Variants in RBFOX1 observed in about 807,000 individuals in gnomAD.
RBFOX1 encodes the protein RNA binding protein fox-1 homolog 1.
Under a neutral mutation model 57.7 loss-of-function variants are expected in RBFOX1, and 8 were observed. That is an observed-to-expected ratio of 0.14 (90% CI 0.08 to 0.25). The LOEUF (loss-of-function observed/expected upper bound fraction) is 0.25. RBFOX1 is among the 10% of genes least tolerant of loss of function. The pLI is 1.00. For synonymous variants in RBFOX1, 326 were observed against 222.4 expected, an observed-to-expected ratio of 1.47 and a Z score of -4.15; for missense variants, 611 against 548.5, an observed-to-expected ratio of 1.11 and a Z score of -1.14.
At chr16:6,073,943 T>C in intron 1 of RBFOX1, among the ~76,000 whole-genome samples, 1 of 151,976 alleles carries the variant, frequency 6.6e-6, no homozygotes, top group East Asian at 1.9e-4. Flanking sequence ...CACATCAGTG[T>C]AGTGAAGGTT....
intron 2 of RBFOX1, among the ~76,000 whole-genome samples, chr16:6,522,699 T>G (rs79936621): frequency 0.013 from 1,947 of 152,296 alleles, 45 homozygotes; most frequent in African/African-American, 0.044. Context: ...TAAGAAACAG[T>G]GAACCATAAG....
At chr16:7,414,571 C>T (rs2098460998) in intron 4 of RBFOX1, among the ~76,000 whole-genome samples, 1 of 152,076 alleles carries the variant, frequency 6.6e-6, no homozygotes, top group Non-Finnish European at 1.5e-5. Flanking sequence ...TGAAGGTCTA[C>T]CATATCCCAA....
At chr16:6,647,353 C>G (rs866286996) in intron 2 of RBFOX1, among the ~76,000 whole-genome samples, 4 of 152,296 alleles carry the variant, frequency 2.6e-5, no homozygotes, top group Admixed American at 6.5e-5. Context: ...TGAAATGATT[C>G]TCCTGCCTCA....
chr16:5,604,795 C>T (rs114247089), downstream of RBFOX1, among the ~76,000 whole-genome samples: 1 of 152,106 alleles, frequency 6.6e-6, no homozygotes, highest in Admixed American at 6.5e-5. Flanking sequence ...CTCATGGGCC[C>T]CCCGGGAACC....
At chr16:7,108,129 A>G (rs1022057908) in intron 4 of RBFOX1, among the ~76,000 whole-genome samples, 2 of 152,198 alleles carry the variant, frequency 1.3e-5, no homozygotes, top group African/African-American at 2.4e-5. Flanking sequence ...GCTAATTAGC[A>G]TAAAACAAAA....
chr16:7,455,745 C>T (rs564043276), intron 4 of RBFOX1, among the ~76,000 whole-genome samples: 2 of 145,952 alleles, frequency 1.4e-5, no homozygotes, highest in South Asian at 2.2e-4. Flanking sequence ...CGAGATTGTG[C>T]CATTGCACTC....
At chr16:7,194,242 T>C (rs1479783910) in intron 4 of RBFOX1, among the ~76,000 whole-genome samples, 1 of 152,256 alleles carries the variant, frequency 6.6e-6, no homozygotes, top group Non-Finnish European at 1.5e-5. Flanking sequence ...TAATGGTTGT[T>C]AGATTTTAAT....
Position 7,649,310 on chromosome 16 carries a change from T to C in RBFOX1, c.758-4505T>C, listed in dbSNP as rs374465710. On this transcript the variant is annotated intron_variant, in intron 11 of 15. Coordinates refer to ENST00000550418, the MANE Select transcript of RBFOX1 (RefSeq NM_018723.4). ...AATTACTATATTTTGCAAGAATCAATATTATCTTTAAAGCAAATTTAGGAA... is the reference window on the plus strand; with the variant it reads ...AATTACTATATTTTGCAAGAATCAACATTATCTTTAAAGCAAATTTAGGAA... Among the ~76,000 whole-genome samples, 38 of 152,238 alleles carry C rather than the reference T, an allele frequency of 2.5e-4. No homozygotes were observed. The East Asian group carries it at 5.6e-3, about 22-fold the overall frequency.
chr16:5,833,486 C>A (rs993319163), intron 3 of RBFOX1, among the ~76,000 whole-genome samples: 1 of 133,422 alleles, frequency 7.5e-6, no homozygotes. Context: ...CAGAGCGAGA[C>A]TCTATCTCAA....
intron 3 of RBFOX1, among the ~76,000 whole-genome samples, chr16:6,681,095 G>A (rs1051496852): frequency 1.3e-5 from 2 of 152,142 alleles, no homozygotes; most frequent in African/African-American, 2.4e-5. Flanking sequence ...TGGATCATTT[G>A]AGGTCAGGAG....
chr16:6,317,692 A>T (rs1435631294), intron 2 of RBFOX1, among the ~76,000 whole-genome samples: 1 of 151,972 alleles, frequency 6.6e-6, no homozygotes, highest in African/African-American at 2.4e-5. Flanking sequence ...ATTTTGTCCA[A>T]TTTTCTCAGC....
chr16:5,598,707 T>TATCG, intron 2 of RBFOX1, among the ~76,000 whole-genome samples: 1 of 152,318 alleles, frequency 6.6e-6, no homozygotes, highest in South Asian at 2.1e-4. Flanking sequence ...TTTGTAGCCA[T>TATCG]ATCGGGCTTG....
At chr16:7,067,534 T>G (rs9923183) in intron 4 of RBFOX1, among the ~76,000 whole-genome samples, 100,273 of 151,026 alleles carry the variant, frequency 0.66, 33,894 homozygotes, top group South Asian at 0.74. Context: ...TTTTTTGTTT[T>G]CTTTTTTTAT....
At chr16:7,051,328 C>T (rs142564415) in intron 3 of RBFOX1, among the ~76,000 whole-genome samples, 1 of 152,206 alleles carries the variant, frequency 6.6e-6, no homozygotes, top group Non-Finnish European at 1.5e-5. Context: ...CCTTAACCCA[C>T]CTATGTTTTC....
intron 3 of RBFOX1, among the ~76,000 whole-genome samples, chr16:6,728,522 C>A (rs78619717): frequency 0.011 from 1,688 of 152,256 alleles, 18 homozygotes; most frequent in Non-Finnish European, 0.018. Context: ...CTCAACGCAT[C>A]TGAAGTGGTG....
chr16:6,780,939 T>C (rs1399412970), intron 3 of RBFOX1, among the ~76,000 whole-genome samples: 1 of 152,136 alleles, frequency 6.6e-6, no homozygotes, highest in Non-Finnish European at 1.5e-5. Flanking sequence ...TTCCATTTTG[T>C]AGGTTGTCTT....
intron 3 of RBFOX1, among the ~76,000 whole-genome samples, chr16:6,804,755 C>T (rs1018028306): frequency 3.9e-5 from 6 of 152,106 alleles, no homozygotes; most frequent in South Asian, 4.1e-4. Flanking sequence ...TAGAATGGGA[C>T]GCAGTGGATT....
intron 3 of RBFOX1, among the ~76,000 whole-genome samples, chr16:6,812,095 TGAA>T (rs2088798872): frequency 6.6e-6 from 1 of 152,146 alleles, no homozygotes; most frequent in Non-Finnish European, 1.5e-5. Context: ...CTCCATATGA[TGAA>T]GAAGCCTTCA....
chr16:6,499,222 A>G (rs889662117), intron 2 of RBFOX1, among the ~76,000 whole-genome samples: 1 of 152,168 alleles, frequency 6.6e-6, no homozygotes, highest in Non-Finnish European at 1.5e-5. Flanking sequence ...ATGATTTTCC[A>G]TTCTTCAAAA....
Sources: gnomAD v4.1 joint callset for allele counts (sites outside exome capture counted in the v4.1 genomes callset) on GRCh38, gnomAD v4.1.1 for gene constraint, MANE v1.5 for transcripts, NCBI Gene and HGNC (gene_info 2026-07-23, HGNC 2026-07-21) for gene names.